PBX1: variants seen among roughly 807,000 people sequenced by gnomAD.
PBX1 encodes pre-B-cell leukemia transcription factor 1.
PBX1 carries 6 observed loss-of-function variants against 53.4 expected under a neutral mutation model. That is an observed-to-expected ratio of 0.11 (90% CI 0.06 to 0.22). The LOEUF is 0.22. PBX1 is among the 10% of genes least tolerant of loss of function. PBX1 has a pLI of 1.00. For missense variants in PBX1, 251 were observed against 551.4 expected, an observed-to-expected ratio of 0.46 and a Z score of 5.46; for synonymous variants, 204 against 212.3, an observed-to-expected ratio of 0.96 and a Z score of 0.34.
At chr1:164,756,462 A>G (rs1666530734) in intron 2 of PBX1, among the ~76,000 whole-genome samples, 1 of 152,252 alleles carries the variant, frequency 6.6e-6, no homozygotes, top group African/African-American at 2.4e-5. Context: ...CTGCACACAT[A>G]TGCTTATAAT....
At chr1:164,786,934 A>G (rs984246456) in intron 2 of PBX1, among the ~76,000 whole-genome samples, 6 of 152,276 alleles carry the variant, frequency 3.9e-5, no homozygotes, top group African/African-American at 1.4e-4. Flanking sequence ...AGTTTGGAAC[A>G]TTACTTCATG....
At chr1:164,793,492 A>G (rs909125648) in intron 3 of PBX1, among the ~76,000 whole-genome samples, 3 of 152,208 alleles carry the variant, frequency 2.0e-5, no homozygotes, top group Non-Finnish European at 4.4e-5. Flanking sequence ...GTGAAGGACC[A>G]TAAAACTTAT....
chr1:164,625,901 T>C, intron 2 of PBX1: 7 of 1,019,358 alleles, frequency 6.9e-6, no homozygotes, highest in Non-Finnish European at 8.2e-6. Flanking sequence ...TTCTGCATAA[T>C]AGGTCTTTGT....
At chr1:164,780,025 C>T (rs992385801) in intron 2 of PBX1, among the ~76,000 whole-genome samples, 1 of 152,138 alleles carries the variant, frequency 6.6e-6, no homozygotes, top group Admixed American at 6.5e-5. Flanking sequence ...TGCATTTAGC[C>T]AGCATCTTGT....
chr1:164,819,944 T>G, intron 6 of PBX1, 128 bp from the exon 7 acceptor site: 3 of 623,158 alleles, frequency 4.8e-6, no homozygotes, highest in Non-Finnish European at 5.8e-6. Context: ...ACTCTGTTGA[T>G]GTTATTTTTA....
At chr1:164,870,316 T>G (rs1261528794) in intron 2 of PBX1, among the ~76,000 whole-genome samples, 2 of 98,724 alleles carry the variant, frequency 2.0e-5, no homozygotes, top group African/African-American at 8.4e-5. Context: ...TTTCTTTCTT[T>G]CTTTCTTTCT....
At chr1:164,629,435 A>G (rs2101875021) in intron 2 of PBX1, among the ~76,000 whole-genome samples, 1 of 152,186 alleles carries the variant, frequency 6.6e-6, no homozygotes, top group Non-Finnish European at 1.5e-5. Context: ...TGTCTTTAAG[A>G]CCCAGCAGAC....
intron 8 of PBX1, among the ~76,000 whole-genome samples, chr1:164,833,089 C>T (rs1670847298): frequency 6.6e-6 from 1 of 151,936 alleles, no homozygotes; most frequent in Admixed American, 6.6e-5. Flanking sequence ...ACATTAACTT[C>T]TTTAATTCAA....
At chr1:164,575,155 A>G (rs750991666) in intron 2 of PBX1, among the ~76,000 whole-genome samples, 2 of 152,236 alleles carry the variant, frequency 1.3e-5, no homozygotes, top group African/African-American at 4.8e-5. Flanking sequence ...TTCTGATTGC[A>G]GTATTGCAAG....
intron 2 of PBX1, among the ~76,000 whole-genome samples, chr1:164,644,200 G>A (rs553626293): frequency 1.8e-4 from 28 of 152,274 alleles, no homozygotes; most frequent in African/African-American, 2.9e-4. Context: ...GATGAAAGCC[G>A]TGGGGGATTT....
chr1:164,592,189 AG>A (rs1158187010), intron 2 of PBX1, among the ~76,000 whole-genome samples: 1 of 152,138 alleles, frequency 6.6e-6, no homozygotes, highest in African/African-American at 2.4e-5. Flanking sequence ...TTTAAGAGAG[AG>A]CAACAGCGAT....
At position 164,799,679 on chromosome 1, in the gene PBX1, T is replaced by G. The variant is rs780179525; in HGVS notation, c.511-20T>G. ...AGGCTTGGACCCTCAATGACGGTGT[T>G]GATTGTCCTGCCATTCCAGGCCTGC... is the stretch of plus-strand genomic sequence containing the variant. On this transcript the variant is annotated intron_variant, in intron 3 of 8. Coordinates refer to ENST00000420696, the MANE Select transcript of PBX1 (RefSeq NM_002585.4). The G allele has an allele frequency of 1.9e-6, 3 of 1,602,424 alleles. No homozygotes were observed. The highest frequency in any genetic ancestry group is 2.2e-5 in the South Asian group (2 of 90,240).
intron 2 of PBX1, among the ~76,000 whole-genome samples, chr1:164,860,719 G>A (rs1431888236): frequency 1.3e-5 from 2 of 152,116 alleles, no homozygotes; most frequent in African/African-American, 2.4e-5. Flanking sequence ...AGCTCCTCTA[G>A]TGTGTCTTTG....
intron 2 of PBX1, among the ~76,000 whole-genome samples, chr1:164,662,052 G>A (rs1457336357): frequency 3.9e-5 from 6 of 152,010 alleles, no homozygotes. Context: ...AGATGCAGGT[G>A]CAGTGGCTCA....
At chr1:164,755,204 A>T (rs1343865346) in intron 2 of PBX1, among the ~76,000 whole-genome samples, 2 of 152,186 alleles carry the variant, frequency 1.3e-5, no homozygotes, top group Non-Finnish European at 2.9e-5. Flanking sequence ...CTTCTTGCCC[A>T]GGCTGGAGTG....
intron 2 of PBX1, among the ~76,000 whole-genome samples, chr1:164,748,232 C>CAAT (rs1184216198): frequency 1.3e-5 from 2 of 152,068 alleles, no homozygotes; most frequent in African/African-American, 4.8e-5. Context: ...AGTAATTGTA[C>CAAT]AATACAAAAG....
intron 2 of PBX1, among the ~76,000 whole-genome samples, chr1:164,608,932 T>G (rs1042746750): frequency 3.3e-5 from 5 of 152,178 alleles, no homozygotes; most frequent in African/African-American, 4.8e-5. Flanking sequence ...GTATAAGAAT[T>G]CCAGGAATCT....
intron 2 of PBX1, among the ~76,000 whole-genome samples, chr1:164,735,279 A>G (rs1159551050): frequency 1.3e-5 from 2 of 152,248 alleles, no homozygotes; most frequent in Non-Finnish European, 2.9e-5. Flanking sequence ...TGCATAATTT[A>G]TATATGAGAT....
intron 2 of PBX1, among the ~76,000 whole-genome samples, chr1:164,654,531 G>T (rs571351634): frequency 6.6e-6 from 1 of 152,280 alleles, no homozygotes; most frequent in African/African-American, 2.4e-5. Flanking sequence ...GAAAGATATG[G>T]ACAAGTGATG....
Sources: allele counts gnomAD v4.1 joint callset (sites outside exome capture counted in the v4.1 genomes callset), GRCh38; gene constraint gnomAD v4.1.1; transcripts MANE v1.5; gene names NCBI Gene and HGNC (gene_info 2026-07-23, HGNC 2026-07-21).